Variants in GXYLT2 observed in about 807,000 individuals in gnomAD.
GXYLT2 encodes glycosyltransferase 8 domain containing 4.
GXYLT2 carries 53 observed loss-of-function variants against 45.8 expected under a neutral mutation model. The ratio of observed to expected loss-of-function variants is 1.16; its 90% CI spans 0.93 to 1.46. GXYLT2 has a LOEUF of 1.46. Among genes scored for constraint, GXYLT2 ranks in the 40% most tolerant of loss-of-function variants. The pLI, the probability that GXYLT2 is intolerant of heterozygous loss-of-function variation, is 0.00. For missense variants in GXYLT2, 551 were observed against 544.4 expected (o/e 1.01, Z -0.12); for synonymous variants, 219 against 214.2 (o/e 1.02, Z -0.19).
rs137940416 is a variant in GXYLT2 at position 72,895,978 on chromosome 3, C to T, written c.275+7470C>T. On this transcript the variant is annotated intron_variant, in intron 1 of 6. Coordinates refer to ENST00000389617, the MANE Select transcript of GXYLT2 (RefSeq NM_001080393.2). ...CAAAATATGGCTCTCTTTTATGAGT[C>T]AGAAAACTGAGATCCGAGAGGTGAA... Among the ~76,000 whole-genome samples, 30 of 152,220 alleles carry T rather than the reference C, an allele frequency of 2.0e-4. No homozygotes were observed. In the East Asian group the frequency reaches 4.8e-3, roughly 24 times the overall value.
intron 2 of GXYLT2, among the ~76,000 whole-genome samples, chr3:72,911,418 T>G (rs984830044): frequency 6.6e-6 from 1 of 152,156 alleles, no homozygotes; most frequent in Non-Finnish European, 1.5e-5. Context: ...TATACTTCCC[T>G]CCTACATTGT....
At chr3:72,966,887 A>C (rs796172688) in intron 5 of GXYLT2, among the ~76,000 whole-genome samples, 1 of 151,332 alleles carries the variant, frequency 6.6e-6, no homozygotes, top group African/African-American at 2.4e-5. Context: ...GGCCTCCCAA[A>C]GTGCTGGGAT....
intron 3 of GXYLT2, among the ~76,000 whole-genome samples, chr3:72,945,238 A>C (rs1228092057): frequency 6.6e-6 from 1 of 152,080 alleles, no homozygotes; most frequent in African/African-American, 2.4e-5. Flanking sequence ...CAGCGAGCTG[A>C]GATCGCGCCA....
chr3:72,930,158 C>T (rs1710000009), intron 3 of GXYLT2, among the ~76,000 whole-genome samples: 2 of 131,842 alleles, frequency 1.5e-5, no homozygotes, highest in South Asian at 2.9e-4. Flanking sequence ...AAGGGCGAAA[C>T]TCCATCTCAA....
intron 3 of GXYLT2, among the ~76,000 whole-genome samples, chr3:72,925,090 A>T (rs1176053976): frequency 6.6e-6 from 1 of 151,882 alleles, no homozygotes; most frequent in Non-Finnish European, 1.5e-5. Context: ...TAAACCCTGG[A>T]TGAATTGTTG....
chr3:72,893,560 TCTC>T (rs1206622190), intron 1 of GXYLT2, among the ~76,000 whole-genome samples: 1 of 152,302 alleles, frequency 6.6e-6, no homozygotes, highest in East Asian at 1.9e-4. Context: ...TTAACAGTGA[TCTC>T]CTTAAATCAC....
chr3:72,889,918 T>G (rs1406811451), intron 1 of GXYLT2, among the ~76,000 whole-genome samples: 6 of 150,362 alleles, frequency 4.0e-5, no homozygotes, highest in Non-Finnish European at 7.4e-5. Flanking sequence ...TTTTTTTTTT[T>G]TTTTTGTGAC....
intron 2 of GXYLT2, among the ~76,000 whole-genome samples, chr3:72,915,161 T>C (rs1709710277): frequency 6.6e-6 from 1 of 151,686 alleles, no homozygotes. Flanking sequence ...AAAAAGAGCC[T>C]GAATTGGTTT....
intron 1 of GXYLT2, among the ~76,000 whole-genome samples, chr3:72,889,156 T>C (rs191604981): frequency 3.3e-5 from 5 of 152,320 alleles, no homozygotes; most frequent in Admixed American, 3.3e-4. Context: ...TTTGATACTC[T>C]CTTTCCCTAC....
At chr3:72,960,536 C>T (rs752895609) in intron 5 of GXYLT2, among the ~76,000 whole-genome samples, 122 of 152,298 alleles carry the variant, frequency 8.0e-4, no homozygotes, top group Admixed American at 3.9e-4. Flanking sequence ...GGAAAATAAT[C>T]GTGACGTTGT....
At chr3:72,966,018 G>A (rs894633378) in intron 5 of GXYLT2, among the ~76,000 whole-genome samples, 32 of 152,156 alleles carry the variant, frequency 2.1e-4, no homozygotes, top group African/African-American at 4.8e-4. Context: ...GTCTTACTCC[G>A]TCACCCAGGC....
chr3:72,964,441 G>GCCC (rs1710824115), intron 5 of GXYLT2, among the ~76,000 whole-genome samples: 1 of 151,878 alleles, frequency 6.6e-6, no homozygotes, highest in South Asian at 2.1e-4. Context: ...TCCTGCCTCA[G>GCCC]CCCCCCGAGT....
chr3:72,972,373 C>T (rs1309405758), intron 6 of GXYLT2, among the ~76,000 whole-genome samples: 1 of 54,474 alleles, frequency 1.8e-5, no homozygotes, highest in Non-Finnish European at 3.0e-5. Flanking sequence ...GAGCTGGGCG[C>T]AGTGGGTCAC....
chr3:72,916,231 A>C (rs1161514372), intron 2 of GXYLT2, among the ~76,000 whole-genome samples: 2 of 150,418 alleles, frequency 1.3e-5, no homozygotes, highest in African/African-American at 4.9e-5. Context: ...TGGAGCCTCC[A>C]TGAGTTTGGC....
intron 3 of GXYLT2, among the ~76,000 whole-genome samples, chr3:72,925,489 A>G (rs1709902270): frequency 6.6e-6 from 1 of 152,066 alleles, no homozygotes. Flanking sequence ...ACAGACCTTT[A>G]TATATAATCG....
chr3:72,924,099 A>G (rs1194056092), intron 3 of GXYLT2, among the ~76,000 whole-genome samples: 1 of 152,174 alleles, frequency 6.6e-6, no homozygotes, highest in African/African-American at 2.4e-5. Flanking sequence ...GGTCATAGTA[A>G]CCAAAAAATA....
chr3:72,924,119 A>G (rs1019411786), intron 3 of GXYLT2, among the ~76,000 whole-genome samples: 5 of 151,826 alleles, frequency 3.3e-5, no homozygotes, highest in Admixed American at 6.6e-5. Context: ...AGAAAGTGAG[A>G]TGAGAATGAA....
intron 3 of GXYLT2, among the ~76,000 whole-genome samples, chr3:72,945,385 A>G (rs749905951): frequency 6.6e-6 from 1 of 152,264 alleles, no homozygotes; most frequent in African/African-American, 2.4e-5. Flanking sequence ...TTGGATGCCT[A>G]GCATATATTA....
chr3:72,915,458 G>A (rs1709722389), intron 2 of GXYLT2, among the ~76,000 whole-genome samples: 1 of 147,370 alleles, frequency 6.8e-6, no homozygotes, highest in Non-Finnish European at 1.5e-5. Flanking sequence ...TTTTTTCCGT[G>A]TTGCTCTGCA....
Sources: allele counts gnomAD v4.1 joint callset (sites outside exome capture counted in the v4.1 genomes callset), GRCh38; gene constraint gnomAD v4.1.1; transcripts MANE v1.5; gene names NCBI Gene and HGNC (gene_info 2026-07-23, HGNC 2026-07-21).